The following PARVA variants were observed in gnomAD, a reference collection of about 807,000 sequenced individuals.
The protein encoded by PARVA is alpha-parvin.
A neutral mutation model predicts 52.6 loss-of-function variants in PARVA; 25 were observed. That is an observed-to-expected ratio of 0.48 (90% CI 0.35 to 0.66). PARVA has a LOEUF of 0.66. Ranked by LOEUF, PARVA falls within the 30% of genes least tolerant of loss-of-function variation. The probability of loss-of-function intolerance (pLI) is 0.01; values close to 1 mark genes in which losing one functional copy is unlikely to be tolerated. For synonymous variants in PARVA, 185 were observed against 179.1 expected, an observed-to-expected ratio of 1.03 and a Z score of -0.26; for missense variants, 373 against 450.9, an observed-to-expected ratio of 0.83 and a Z score of 1.56.
intron 1 of PARVA, among the ~76,000 whole-genome samples, chr11:12,425,955 C>T (rs1034375222): frequency 5.9e-5 from 9 of 151,986 alleles, no homozygotes; most frequent in African/African-American, 2.2e-4. Flanking sequence ...CTACAAAGAA[C>T]CAAACTCATC....
intron 1 of PARVA, among the ~76,000 whole-genome samples, chr11:12,446,773 T>A (rs1940553528): frequency 1.3e-5 from 2 of 152,254 alleles, no homozygotes; most frequent in African/African-American, 4.8e-5. Context: ...TGCAGTTCAT[T>A]GCTTTCCTGT....
At chr11:12,426,878 G>A (rs1347160922) in intron 1 of PARVA, among the ~76,000 whole-genome samples, 1 of 152,176 alleles carries the variant, frequency 6.6e-6, no homozygotes, top group Admixed American at 6.5e-5. Context: ...TGGACCAGGG[G>A]TTGCAGTGTG....
intron 1 of PARVA, among the ~76,000 whole-genome samples, chr11:12,404,205 A>G (rs1298191147): frequency 2.0e-5 from 3 of 151,918 alleles, no homozygotes; most frequent in Admixed American, 6.6e-5. Flanking sequence ...TTTTCAGCAA[A>G]TACTAGAAGT....
At chr11:12,527,442 T>G (rs573798793) in intron 12 of PARVA, among the ~76,000 whole-genome samples, 1 of 152,316 alleles carries the variant, frequency 6.6e-6, no homozygotes, top group South Asian at 2.1e-4. Context: ...ATGACGCCTA[T>G]TTCCTGAGTA....
intron 1 of PARVA, among the ~76,000 whole-genome samples, chr11:12,418,673 C>A (rs1219459299): frequency 6.6e-6 from 1 of 152,148 alleles, no homozygotes; most frequent in African/African-American, 2.4e-5. Flanking sequence ...CCCATTACCA[C>A]CCCGCCACCG....
intron 1 of PARVA, among the ~76,000 whole-genome samples, chr11:12,388,123 C>T (rs1939604965): frequency 1.3e-5 from 2 of 152,204 alleles, no homozygotes; most frequent in Non-Finnish European, 2.9e-5. Flanking sequence ...AGAGTCTCCT[C>T]ACTTCAGCCC....
At chr11:12,460,819 TAACTC>T (rs902338731) in intron 1 of PARVA, among the ~76,000 whole-genome samples, 6 of 152,214 alleles carry the variant, frequency 3.9e-5, no homozygotes, top group African/African-American at 9.6e-5. Context: ...AGAGGAAACT[TAACTC>T]AGGTGATGCA....
intron 1 of PARVA, among the ~76,000 whole-genome samples, chr11:12,401,579 G>A (rs993314697): frequency 2.0e-5 from 3 of 152,154 alleles, no homozygotes; most frequent in East Asian, 1.9e-4. Flanking sequence ...TGAATCTTAC[G>A]AAGTTGAAGA....
rs115107882 is a variant in PARVA at position 12,413,765 on chromosome 11, G to T, written c.136+35982G>T. ...GGCTCTCTTGCCTCTATTTCCCAAG[G>T]TGGGGATTCTAAACAGCAGAGCCCA... is the stretch of plus-strand genomic sequence containing the variant. On this transcript the variant is annotated intron_variant, in intron 1 of 12. Coordinates refer to ENST00000334956, the MANE Select transcript of PARVA (RefSeq NM_018222.5). Among the ~76,000 whole-genome samples the T allele has an allele frequency of 6.5e-3, 996 of 152,330 alleles. 11 individuals carry two copies. Among genetic ancestry groups the T allele is most frequent in the African/African-American group, 0.021 (881 of 41,570 alleles).
rs560921426 is a variant in PARVA at position 12,503,310 on chromosome 11, C to T, written c.542-1004C>T. On this transcript the variant is annotated intron_variant, in intron 5 of 12. Coordinates refer to ENST00000334956, the MANE Select transcript of PARVA (RefSeq NM_018222.5). ...TGACTCAATGTTTATTTATTAAGGG[C>T]GTGCTTTATGTGCAGTCTTGAGACA... Among the ~76,000 whole-genome samples, 12 of 152,238 alleles carry T rather than the reference C, an allele frequency of 7.9e-5. No individual in the cohort carries two copies. The South Asian group carries it at 1.0e-3, about 13-fold the overall frequency.
chr11:12,530,732 A>G lies in PARVA; in HGVS notation c.*2807A>G, dbSNP rs1281759648. The G allele has an allele frequency of 1.3e-5, 2 of 151,730 alleles. No individual in the cohort carries two copies. The highest frequency in any genetic ancestry group is 2.9e-5 in the Non-Finnish European group (2 of 67,898). 9.4% of individuals were successfully genotyped at this position (151,730 alleles called of 1,614,324 possible). On this transcript the variant is annotated 3_prime_UTR_variant, in exon 13 of 13. Coordinates refer to ENST00000334956, the MANE Select transcript of PARVA (RefSeq NM_018222.5). ...TCATACACTTTGTTTTTTATCACTT[A>G]ATGTTATATCTTGGATATTGTATTA...
chr11:12,390,556 G>A (rs1436439505), intron 1 of PARVA, among the ~76,000 whole-genome samples: 1 of 152,180 alleles, frequency 6.6e-6, no homozygotes, highest in Admixed American at 6.5e-5. Flanking sequence ...GACCCTAGCT[G>A]AGTAAGTAAG....
intron 10 of PARVA, 70 bp downstream of exon 10, chr11:12,514,135 C>A: frequency 8.1e-7 from 1 of 1,229,966 alleles, no homozygotes; most frequent in Non-Finnish European, 1.2e-6. Flanking sequence ...AGTGGCCCAC[C>A]ACACTTGGCC....
chr11:12,496,423 A>C (rs376215069), intron 4 of PARVA, 35 bp from the exon 5 acceptor site: 3 of 1,592,840 alleles, frequency 1.9e-6, no homozygotes, highest in Non-Finnish European at 2.6e-6. Flanking sequence ...GGGGCCCAGC[A>C]TAACAGCTGT....
At chr11:12,409,984 GAGTTGACTATCT>G (rs2134973621) in intron 1 of PARVA, among the ~76,000 whole-genome samples, 1 of 152,322 alleles carries the variant, frequency 6.6e-6, no homozygotes, top group South Asian at 2.1e-4. Flanking sequence ...TGCTTTTGCA[GAGTTGACTATCT>G]AGGGGACTTG....
In PARVA at chr11:12,532,466, G is replaced by A. The variant is rs1182225462; in HGVS notation, c.*4541G>A. Reference sequence around the variant, plus strand: ...GTCCCCTGAGAAATTTCTAGGATGAGTACTCTGAACTCAGGACTTCATTTA... The same window carrying A: ...GTCCCCTGAGAAATTTCTAGGATGAATACTCTGAACTCAGGACTTCATTTA... On this transcript the variant is annotated 3_prime_UTR_variant, in exon 13 of 13. Transcript: ENST00000334956. Among the ~76,000 whole-genome samples, 1 of 152,118 alleles carries A rather than the reference G, an allele frequency of 6.6e-6. No homozygotes were observed. The highest frequency in any genetic ancestry group is 3.2e-3 in the Middle Eastern group (1 of 316).
At position 12,412,394 on chromosome 11, in the gene PARVA, G is replaced by A. The variant is rs575321505; in HGVS notation, c.136+34611G>A. ...GATGGATACCAGAGATTAACCCTTG[G>A]GTGGGTCTTTTAAGGCCGTTTTCTC... On this transcript the variant is annotated intron_variant, in intron 1 of 12. Coordinates refer to ENST00000334956, the MANE Select transcript of PARVA (RefSeq NM_018222.5). Among the ~76,000 whole-genome samples the A allele has an allele frequency of 1.6e-4, 25 of 152,286 alleles. No homozygotes were observed. In the East Asian group the frequency reaches 4.6e-3, roughly 28 times the overall value.
At chr11:12,470,223 G>A (rs1253784557) in intron 1 of PARVA, among the ~76,000 whole-genome samples, 3 of 152,208 alleles carry the variant, frequency 2.0e-5, no homozygotes, top group Non-Finnish European at 2.9e-5. Context: ...CAGTTGAAGG[G>A]TGGTCTTGAC....
At chr11:12,378,594 T>C (rs1235817783) in intron 1 of PARVA, among the ~76,000 whole-genome samples, 5 of 108,180 alleles carry the variant, frequency 4.6e-5, no homozygotes, top group Non-Finnish European at 1.1e-4. Context: ...TTTTTTTTTT[T>C]CAGGGTAGTT....
Sources: allele counts gnomAD v4.1 joint callset (sites outside exome capture counted in the v4.1 genomes callset), GRCh38; gene constraint gnomAD v4.1.1; transcripts MANE v1.5; gene names NCBI Gene and HGNC (gene_info 2026-07-23, HGNC 2026-07-21).